The following ARHGAP23 variants were observed in gnomAD, a reference collection of about 807,000 sequenced individuals.
ARHGAP23 encodes the protein Rho GTPase activating protein 23.
In ARHGAP23, 34 loss-of-function variants were observed where a neutral mutation model predicts 136.3. That is an observed-to-expected ratio of 0.25 (90% confidence interval 0.19 to 0.33). The LOEUF (loss-of-function observed/expected upper bound fraction) is 0.33. ARHGAP23 is among the 10% of genes least tolerant of loss of function. The pLI, the probability that ARHGAP23 is intolerant of heterozygous loss-of-function variation, is 1.00. For synonymous variants in ARHGAP23, 832 were observed against 920.5 expected, an observed-to-expected ratio of 0.90 and a Z score of 1.74; for missense variants, 1,808 against 2,139.0, an observed-to-expected ratio of 0.85 and a Z score of 3.05.
At chr17:38,507,178 T>A (rs1258866672) in intron 23 of ARHGAP23, among the ~76,000 whole-genome samples, 1 of 151,378 alleles carries the variant, frequency 6.6e-6, no homozygotes, top group Non-Finnish European at 1.5e-5. Context: ...GGAGGCTGAG[T>A]CATGAGAATT....
chr17:38,506,815 A>G (rs1468078734), intron 23 of ARHGAP23, among the ~76,000 whole-genome samples: 1 of 152,158 alleles, frequency 6.6e-6, no homozygotes, highest in Non-Finnish European at 1.5e-5. Context: ...GATTTAGTCC[A>G]TAGCAGTGAG....
chr17:38,510,021 G>T lies in ARHGAP23; in HGVS notation c.3525G>T (p.Lys1175Asn). 1 of 1,247,504 alleles carries T rather than the reference G, an allele frequency of 8.0e-7. No individual in the cohort carries two copies. The highest frequency in any genetic ancestry group is 1.0e-6 in the Non-Finnish European group (1 of 995,256). 77.3% of individuals were successfully genotyped at this position (1,247,504 alleles called of 1,614,324 possible). A position where few individuals can be genotyped will look rare whatever the true frequency, so the allele number is the denominator to read the frequency against. Residue 1175 changes from lysine (K) to asparagine (N), a missense_variant, in exon 24 of 24, where the codon AAG becomes AAT. Physicochemically the swap from Lys to Asn is moderately conservative, Grantham distance 94. Coordinates refer to ENST00000622683, the MANE Select transcript of ARHGAP23 (RefSeq NM_001199417.2). This position sits in a 1 kb window ranked among gnomAD's most constrained non-coding sequence, Gnocchi z 4.6. The part of the protein sequence containing the change: ...AISFISAVNR[K>N]RKKRREARGL... The stretch of plus-strand genomic sequence containing the variant: ...CCTTCATCTCGGCCGTCAACCGCAA[G>T]CGCAAGAAGCGGCGGGAGGCGCGGG...
intron 6 of ARHGAP23, among the ~76,000 whole-genome samples, chr17:38,465,382 G>A (rs1382842969): frequency 6.6e-6 from 1 of 152,184 alleles, no homozygotes; most frequent in Non-Finnish European, 1.5e-5. Flanking sequence ...GTGTGTGTGT[G>A]TGTTTGGTTT....
chr17:38,469,864 T>C lies in ARHGAP23; in HGVS notation c.1934T>C (p.Ile645Thr), dbSNP rs1283783982. 1.9e-6 allele frequency: 3 copies of C among 1,551,580 alleles called. No homozygotes were observed. Among genetic ancestry groups the C allele is most frequent in the Non-Finnish European group, 2.6e-6 (3 of 1,146,988 alleles). The stretch of plus-strand genomic sequence containing the variant: ...CTTTCCAGGCGCCTGCCAAACCGCA[T>C]ACCCAGCCTGCGGATGCTCCGGAGC... ...GRVLRRLPNR[I>T]PSLRMLRSFF... The change falls in exon 10 of 24, where the codon ATA becomes ACA. Residue 645 changes from isoleucine to threonine, a missense_variant. Physicochemically the swap from Ile to Thr is moderately conservative, Grantham distance 89. Transcript: ENST00000622683.
chr17:38,420,158 G>C (rs1340119299), intron 1 of ARHGAP23, among the ~76,000 whole-genome samples: 1 of 152,138 alleles, frequency 6.6e-6, no homozygotes, highest in East Asian at 1.9e-4. Context: ...TTCCCTGCAC[G>C]GAGCTCAGCA....
intron 1 of ARHGAP23, among the ~76,000 whole-genome samples, chr17:38,437,629 C>G (rs532257419): frequency 1.3e-5 from 2 of 151,776 alleles, no homozygotes; most frequent in East Asian, 1.9e-4. Context: ...CCTACCCCCC[C>G]CAAAAAATAT....
intron 17 of ARHGAP23, among the ~76,000 whole-genome samples, chr17:38,486,865 A>C (rs2040171864): frequency 6.6e-6 from 1 of 152,228 alleles, no homozygotes; most frequent in South Asian, 2.1e-4. Flanking sequence ...CGTTTGCTGA[A>C]CTGCTTATTC....
chr17:38,442,806 C>T (rs530981659), intron 1 of ARHGAP23, among the ~76,000 whole-genome samples: 99 of 152,244 alleles, frequency 6.5e-4, no homozygotes, highest in Admixed American at 1.1e-3. Flanking sequence ...GGGGCCAAGG[C>T]GCGTCCCACA....
chr17:38,469,729 A>G, intron 9 of ARHGAP23, 94 bp downstream of exon 9: 2 of 1,506,398 alleles, frequency 1.3e-6, no homozygotes, highest in Non-Finnish European at 1.8e-6. Flanking sequence ...TCCTCTATGC[A>G]TGGGACAGTG....
chr17:38,485,609 T>C (rs978773325), intron 16 of ARHGAP23, among the ~76,000 whole-genome samples: 4 of 152,140 alleles, frequency 2.6e-5, no homozygotes, highest in African/African-American at 7.2e-5. Context: ...AAGGCCTCTT[T>C]GAAGAGCGAC....
chr17:38,490,635 C>T, intron 19 of ARHGAP23, 84 bp downstream of exon 19: 2 of 1,151,620 alleles, frequency 1.7e-6, no homozygotes, highest in Non-Finnish European at 2.6e-6. Context: ...TGAGCTCCAG[C>T]AGGTCCAGTA....
At position 38,466,330 on chromosome 17, in the gene ARHGAP23, C is replaced by T; in HGVS notation, c.647C>T (p.Pro216Leu). 6 of 1,544,436 alleles carry T rather than the reference C, an allele frequency of 3.9e-6. No individual in the cohort carries two copies. Among genetic ancestry groups the T allele is most frequent in the Non-Finnish European group, 5.2e-6 (6 of 1,146,602 alleles). ...GTGCCTGAGCCCACCTCAGCACTGC[C>T]CAGTGACCCCCGGAGTCCTGCTGCC... ...TMVPEPTSAL[P>L]SDPRSPAAWS... Residue 216 changes from proline (P) to leucine (L), a missense_variant, in exon 7 of 24, where the codon CCC becomes CTC. Physicochemically the swap from Pro to Leu is moderately conservative, Grantham distance 98. Transcript: ENST00000622683.
chr17:38,465,496 C>T (rs1644680861), intron 6 of ARHGAP23, among the ~76,000 whole-genome samples: 1 of 152,228 alleles, frequency 6.6e-6, no homozygotes, highest in Admixed American at 6.5e-5. Context: ...TGGGAGCTGA[C>T]TCCTTTTTTG....
chr17:38,494,617 T>G (rs185663979), intron 20 of ARHGAP23, among the ~76,000 whole-genome samples: 5 of 152,370 alleles, frequency 3.3e-5, no homozygotes. Flanking sequence ...ATTCATTTAT[T>G]CTTTTAATAA....
chr17:38,490,580 G>A, intron 19 of ARHGAP23, 29 bp downstream of exon 19: 1 of 1,475,220 alleles, frequency 6.8e-7, no homozygotes, highest in Non-Finnish European at 9.3e-7. Context: ...TGGAGTCTGG[G>A]GGAGGCAAGC....
In ARHGAP23 at chr17:38,512,352, A is replaced by G. The variant is rs549238503; in HGVS notation, c.*1380A>G. 3 of 152,380 alleles carry G rather than the reference A, an allele frequency of 2.0e-5. No individual in the cohort carries two copies. The East Asian group carries it at 5.8e-4, about 29-fold the overall frequency. The allele number at this position is 152,380 out of a possible 1,614,324, so 9.4% of individuals were successfully genotyped here. A position where few individuals can be genotyped will look rare whatever the true frequency, so the allele number is the denominator to read the frequency against. On this transcript the variant is annotated 3_prime_UTR_variant, in exon 24 of 24. Coordinates refer to ENST00000622683, the MANE Select transcript of ARHGAP23 (RefSeq NM_001199417.2). ...CTGAAAAGTCCTGTCTTAAAAGTACAGTCTATATCTTGGAAATAAATAGCT... is the reference window on the plus strand; with the variant it reads ...CTGAAAAGTCCTGTCTTAAAAGTACGGTCTATATCTTGGAAATAAATAGCT...
Position 38,469,293 on chromosome 17 carries a change from G to A in ARHGAP23, c.1798G>A (p.Asp600Asn). Residue 600 changes from aspartate to asparagine, a missense_variant, in exon 8 of 24, where the codon GAC becomes AAC. Around this residue, in one of 7 missense-constraint regions of ARHGAP23, gnomAD observed 859 missense variants for 936.4 expected, o/e 0.92. Transcript: ENST00000622683. ...TFTLGRHYSQ[D>N]CSSIKAGRRS... ...CACCCTCGGACGCCATTACTCGCAG[G>A]ACTGCAGTGAGCACTCCCCACACCC... 1 of 1,550,496 alleles carries A rather than the reference G, an allele frequency of 6.4e-7. No homozygotes were observed. Among genetic ancestry groups the A allele is most frequent in the Non-Finnish European group, 8.7e-7 (1 of 1,146,280 alleles).
At chr17:38,450,084 A>G (rs573665197) in intron 1 of ARHGAP23, among the ~76,000 whole-genome samples, 11 of 152,274 alleles carry the variant, frequency 7.2e-5, no homozygotes, top group Middle Eastern at 3.4e-3. Context: ...CCTCCCAGAG[A>G]GAAGAGGCCC....
intron 1 of ARHGAP23, among the ~76,000 whole-genome samples, chr17:38,430,734 A>T (rs948867686): frequency 2.6e-5 from 4 of 152,210 alleles, no homozygotes; most frequent in Non-Finnish European, 5.9e-5. Context: ...TAGTGGGTCA[A>T]GTGGATTCTT....
Sources: allele counts gnomAD v4.1 joint callset (sites outside exome capture counted in the v4.1 genomes callset), GRCh38; gene constraint gnomAD v4.1.1; regional missense constraint gnomAD v4.1.1; non-coding constraint Gnocchi (gnomAD v3.1); transcripts MANE v1.5; gene names NCBI Gene and HGNC (gene_info 2026-07-23, HGNC 2026-07-21).